Variants in LMBR1 observed in about 807,000 individuals in gnomAD.
LMBR1 encodes the protein limb development membrane protein 1, also known as limb region 1 protein homolog.
A neutral mutation model predicts 73.9 loss-of-function variants in LMBR1; 52 were observed. The ratio of observed to expected loss-of-function variants is 0.70; its 90% confidence interval spans 0.56 to 0.89. LMBR1 has a LOEUF of 0.89. Among genes scored for constraint, LMBR1 ranks in the 40% least tolerant of loss-of-function variants. The pLI, the probability that LMBR1 is intolerant of heterozygous loss-of-function variation, is 0.00. For missense variants in LMBR1, 539 were observed against 579.8 expected (o/e 0.93, Z 0.72); for synonymous variants, 215 against 209.4 (o/e 1.03, Z -0.23).
chr7:156,768,587 T>C (rs1268269384), intron 5 of LMBR1, among the ~76,000 whole-genome samples: 1 of 152,090 alleles, frequency 6.6e-6, no homozygotes, highest in East Asian at 1.9e-4. Flanking sequence ...GCTCAGGGGA[T>C]TGAGGGCCTA....
At position 156,794,368 on chromosome 7, in the gene LMBR1, T is replaced by G. The variant is rs1360103914; in HGVS notation, c.423+2021A>C. 2.6e-5 allele frequency among the ~76,000 whole-genome samples: 4 copies of G among 152,222 alleles called. 1 individual carries two copies. Among genetic ancestry groups the G allele is most frequent in the Admixed American group, 2.6e-4 (4 of 15,282 alleles). ...ATCTCTAATTAACTTCTATGATCCCTCCTCAGCTGATTCTCCCTTTGACCT... is the reference window on the plus strand; with the variant it reads ...ATCTCTAATTAACTTCTATGATCCCGCCTCAGCTGATTCTCCCTTTGACCT... On this transcript the variant is annotated intron_variant, in intron 5 of 16. Transcript: ENST00000353442.
rs1164308979 is a variant in LMBR1 at position 156,680,401 on chromosome 7, A to AGT, written c.*3676_*3677insAC. 5.9e-5 allele frequency: 8 copies of AGT among 134,504 alleles called. No individual in the cohort carries two copies. The highest frequency in any genetic ancestry group is 1.6e-4 in the Admixed American group (2 of 12,862). 8.3% of individuals were successfully genotyped at this position (134,504 alleles called of 1,614,324 possible). ...CAGAGAGAGAGAGAGAGAGAGAGAG[A>AGT]GAGTGTGTGTGTGTGTGTGTGTGTA... On this transcript the variant is annotated 3_prime_UTR_variant, in exon 17 of 17. Transcript: ENST00000353442.
At chr7:156,872,647 C>CAA (rs879438854) in intron 1 of LMBR1, among the ~76,000 whole-genome samples, 1 of 117,570 alleles carries the variant, frequency 8.5e-6, no homozygotes, top group Non-Finnish European at 1.8e-5. Flanking sequence ...AACTCCGTCT[C>CAA]AAAAAAAAAA....
chr7:156,833,645 T>G, intron 3 of LMBR1, 108 bp downstream of exon 3: 1 of 750,392 alleles, frequency 1.3e-6, no homozygotes, highest in South Asian at 1.7e-5. Flanking sequence ...GCTATTGTAA[T>G]GTGCTGGGTG....
intron 9 of LMBR1, among the ~76,000 whole-genome samples, chr7:156,735,273 T>C (rs1339794756): frequency 6.6e-6 from 1 of 152,218 alleles, no homozygotes; most frequent in Non-Finnish European, 1.5e-5. Context: ...TTTTCCAGTA[T>C]CGTCTTCAGC....
At chr7:156,757,210 G>A (rs1290956617) in intron 8 of LMBR1, among the ~76,000 whole-genome samples, 2 of 152,140 alleles carry the variant, frequency 1.3e-5, no homozygotes, top group African/African-American at 2.4e-5. Context: ...GAGATAGAAG[G>A]AACAGACACC....
At chr7:156,814,407 A>C (rs1242073090) in intron 4 of LMBR1, among the ~76,000 whole-genome samples, 1 of 152,250 alleles carries the variant, frequency 6.6e-6, no homozygotes, top group East Asian at 1.9e-4. Flanking sequence ...GTTTTGTAAA[A>C]TGGAACAAAA....
intron 4 of LMBR1, among the ~76,000 whole-genome samples, chr7:156,809,589 G>A (rs573144036): frequency 2.4e-4 from 37 of 152,278 alleles, no homozygotes; most frequent in African/African-American, 8.7e-4. Flanking sequence ...CTCTGTACAT[G>A]CTCACTATAA....
intron 3 of LMBR1, among the ~76,000 whole-genome samples, chr7:156,830,176 C>A (rs960189935): frequency 2.0e-5 from 3 of 152,156 alleles, no homozygotes; most frequent in Admixed American, 1.3e-4. Flanking sequence ...CCCTCTTCCT[C>A]ATTTTTCAAT....
chr7:156,728,233 T>C (rs1045971418), intron 11 of LMBR1, among the ~76,000 whole-genome samples: 3 of 152,216 alleles, frequency 2.0e-5, no homozygotes, highest in African/African-American at 4.8e-5. Context: ...TGGTAGTATA[T>C]AGATCCTTTT....
At chr7:156,791,570 G>C (rs1401703384) in intron 5 of LMBR1, among the ~76,000 whole-genome samples, 1 of 152,144 alleles carries the variant, frequency 6.6e-6, no homozygotes, top group Non-Finnish European at 1.5e-5. Context: ...AAAAATCTTT[G>C]TTCCTCCTCT....
intron 8 of LMBR1, among the ~76,000 whole-genome samples, chr7:156,760,879 C>T (rs962216538): frequency 1.3e-5 from 2 of 152,024 alleles, no homozygotes; most frequent in Admixed American, 6.5e-5. Flanking sequence ...ATAACTATAA[C>T]GATTTAATAA....
At chr7:156,813,267 C>T (rs913857830) in intron 4 of LMBR1, among the ~76,000 whole-genome samples, 7 of 152,172 alleles carry the variant, frequency 4.6e-5, no homozygotes, top group African/African-American at 1.7e-4. Flanking sequence ...CTCAATAATA[C>T]AGAAAAAGCT....
intron 4 of LMBR1, among the ~76,000 whole-genome samples, chr7:156,798,663 G>A (rs1830433790): frequency 6.6e-6 from 1 of 152,004 alleles, no homozygotes; most frequent in Non-Finnish European, 1.5e-5. Flanking sequence ...TCAGATATGT[G>A]GGGTATAACA....
At chr7:156,718,977 C>T (rs953422811) in intron 15 of LMBR1, among the ~76,000 whole-genome samples, 1 of 151,382 alleles carries the variant, frequency 6.6e-6, no homozygotes, top group Non-Finnish European at 1.5e-5. Flanking sequence ...GTGGTCTGGG[C>T]AATGATTTTT....
chr7:156,889,041 A>T (rs962102477), intron 1 of LMBR1, among the ~76,000 whole-genome samples: 1 of 151,472 alleles, frequency 6.6e-6, no homozygotes. Context: ...GCAACAGAGA[A>T]AGACTCTGTC....
chr7:156,880,290 T>G (rs900339461), intron 1 of LMBR1, among the ~76,000 whole-genome samples: 11 of 152,170 alleles, frequency 7.2e-5, no homozygotes, highest in Admixed American at 6.5e-5. Context: ...AAGTGGGAAC[T>G]AAGCTACGAT....
At chr7:156,831,324 C>G (rs182213602) in intron 3 of LMBR1, among the ~76,000 whole-genome samples, 26 of 141,110 alleles carry the variant, frequency 1.8e-4, no homozygotes, top group Non-Finnish European at 1.4e-4. Context: ...CACAACAGTA[C>G]TGCAAAGTAG....
chr7:156,694,383 T>C lies in LMBR1; in HGVS notation c.1226-6192A>G, dbSNP rs181439761. Among the ~76,000 whole-genome samples, 915 of 151,042 alleles carry C rather than the reference T, an allele frequency of 6.1e-3. 7 individuals are homozygous for C. The highest frequency in any genetic ancestry group is 0.019 in the South Asian group (92 of 4,756). On this transcript the variant is annotated intron_variant, in intron 15 of 16. Coordinates refer to ENST00000353442, the MANE Select transcript of LMBR1 (RefSeq NM_022458.4). ...CCTGGACTCAAGCTATCCACCCACC[T>C]TGACCTCCCAAAGTGCTGGGATTAC...
Sources: allele counts gnomAD v4.1 joint callset (sites outside exome capture counted in the v4.1 genomes callset), GRCh38; gene constraint gnomAD v4.1.1; transcripts MANE v1.5; gene names NCBI Gene and HGNC (gene_info 2026-07-23, HGNC 2026-07-21).